Variants in SNX24 observed in about 807,000 individuals in gnomAD.
SNX24 encodes sorting nexin 24.
In SNX24, 22 loss-of-function variants were observed where a neutral mutation model predicts 28.7. That is an observed-to-expected ratio of 0.77 (90% CI 0.55 to 1.10). SNX24 has a LOEUF of 1.10. SNX24 is among the 50% of genes least tolerant of loss of function. SNX24 has a pLI of 0.00. For missense variants in SNX24, 221 were observed against 201.1 expected (o/e 1.10, Z -0.60); for synonymous variants, 69 against 71.5 (o/e 0.96, Z 0.18).
At chr5:122,851,813 C>A (rs752047539) in intron 1 of SNX24, among the ~76,000 whole-genome samples, 26 of 151,848 alleles carry the variant, frequency 1.7e-4, no homozygotes, top group Non-Finnish European at 2.7e-4. Context: ...CAGTCCCTGT[C>A]TTTAAAAAAA....
intron 1 of SNX24, among the ~76,000 whole-genome samples, chr5:122,903,536 A>G (rs1391393567): frequency 6.6e-6 from 1 of 152,188 alleles, no homozygotes; most frequent in Non-Finnish European, 1.5e-5. Flanking sequence ...CCTGCAAATC[A>G]TGCTTTATGC....
At chr5:123,017,383 A>G (rs1641184756) in intron 5 of SNX24, among the ~76,000 whole-genome samples, 1 of 150,528 alleles carries the variant, frequency 6.6e-6, no homozygotes. Flanking sequence ...TTGCCAGTCT[A>G]CTTCTGTCAT....
intron 3 of SNX24, among the ~76,000 whole-genome samples, chr5:122,947,274 T>A (rs972467022): frequency 6.6e-6 from 1 of 152,042 alleles, no homozygotes; most frequent in Non-Finnish European, 1.5e-5. Flanking sequence ...AGTATGCCAT[T>A]TCTTCTACAG....
chr5:123,010,360 A>G (rs35771639), downstream of SNX24, among the ~76,000 whole-genome samples: 33,881 of 151,082 alleles, frequency 0.22, 4,831 homozygotes, highest in Non-Finnish European at 0.33. Context: ...GCACAATCTC[A>G]ACTCACTGCA....
intron 5 of SNX24, among the ~76,000 whole-genome samples, chr5:123,028,011 A>G (rs1034457912): frequency 6.6e-6 from 1 of 152,196 alleles, no homozygotes; most frequent in African/African-American, 2.4e-5. Flanking sequence ...GTTTGTTTCT[A>G]TTACAATTTT....
chr5:122,996,705 A>T (rs73289176), intron 3 of SNX24, among the ~76,000 whole-genome samples: 7,932 of 152,188 alleles, frequency 0.052, 700 homozygotes, highest in African/African-American at 0.18. Flanking sequence ...AAGGATTCAA[A>T]CTCAGGTCTT....
intron 1 of SNX24, among the ~76,000 whole-genome samples, chr5:122,863,780 C>G (rs1390112287): frequency 2.0e-5 from 3 of 152,218 alleles, no homozygotes; most frequent in Admixed American, 6.5e-5. Context: ...GTCTCAAAGC[C>G]CTAGGCTAAA....
At chr5:123,017,949 T>C (rs1270209527) in intron 5 of SNX24, among the ~76,000 whole-genome samples, 2 of 152,220 alleles carry the variant, frequency 1.3e-5, no homozygotes, top group Middle Eastern at 3.4e-3. Context: ...CTGAACATAC[T>C]TACTGAACAT....
rs1052522057 is a variant in SNX24, at chr5:123,028,032, C to G, written n.384-1206C>G. 7.9e-5 allele frequency among the ~76,000 whole-genome samples: 12 copies of G among 152,148 alleles called. No individual in the cohort carries two copies. The East Asian group carries it at 2.1e-3, about 27-fold the overall frequency. ...TTCTATTACAATTTTGACAACTCAG[C>G]TATTGCTTTAACTTTAAAAAAGTAT... On this transcript the variant is annotated intron_variant and non_coding_transcript_variant, in intron 5 of 5. Coordinates refer to the SNX24 transcript ENST00000502387.
chr5:122,866,215 TCTCAGCTCACTGCAACCACCAC>T (rs1246870570), intron 1 of SNX24, among the ~76,000 whole-genome samples: 1 of 152,132 alleles, frequency 6.6e-6, no homozygotes, highest in African/African-American at 2.4e-5. Context: ...AGTGGCGAGA[TCTCAGCTCACTGCAACCACCAC>T]CTCCCAGGTT....
intron 1 of SNX24, among the ~76,000 whole-genome samples, chr5:122,930,074 A>G (rs923058595): frequency 2.0e-5 from 3 of 152,150 alleles, no homozygotes; most frequent in African/African-American, 7.2e-5. Flanking sequence ...CAGGTTTTCT[A>G]TGGATTTCTT....
intron 1 of SNX24, among the ~76,000 whole-genome samples, chr5:122,923,902 A>G (rs1338865729): frequency 6.6e-6 from 1 of 152,256 alleles, no homozygotes; most frequent in Non-Finnish European, 1.5e-5. Flanking sequence ...TGAGAGAGAC[A>G]GAAAACACTT....
At position 122,957,463 on chromosome 5, in the gene SNX24, A is replaced by G. The variant is rs572461494; in HGVS notation, c.249+11304A>G. ...ATCAGGAAGTGCGAGTCTTCCAGCT[A>G]TGTTTTTCTTTTTCAAGATTGTTTT... is the stretch of plus-strand genomic sequence containing the variant. On this transcript the variant is annotated intron_variant, in intron 3 of 6. Coordinates refer to ENST00000261369, the MANE Select transcript of SNX24 (RefSeq NM_014035.4). Among the ~76,000 whole-genome samples, 7 of 152,214 alleles carry G rather than the reference A, an allele frequency of 4.6e-5. No individual in the cohort carries two copies. The East Asian group carries it at 5.8e-4, about 13-fold the overall frequency.
chr5:122,915,579 T>C (rs1036394390), intron 1 of SNX24, among the ~76,000 whole-genome samples: 1 of 152,190 alleles, frequency 6.6e-6, no homozygotes, highest in Non-Finnish European at 1.5e-5. Flanking sequence ...TGAGCTATGA[T>C]TACGTCACCA....
At chr5:122,983,128 A>G (rs552341616) in intron 3 of SNX24, 1 of 151,912 alleles carries the variant, frequency 6.6e-6, no homozygotes, top group East Asian at 1.9e-4. Context: ...TAGTTAAGTG[A>G]ATAATTATAT....
At chr5:122,855,147 C>G (rs780952008) in intron 1 of SNX24, among the ~76,000 whole-genome samples, 4 of 151,926 alleles carry the variant, frequency 2.6e-5, no homozygotes, top group Non-Finnish European at 5.9e-5. Context: ...TCTTGGCTCA[C>G]CACAACCTCT....
At chr5:122,908,810 G>T (rs899188) in intron 1 of SNX24, among the ~76,000 whole-genome samples, 1 of 151,948 alleles carries the variant, frequency 6.6e-6, no homozygotes, top group African/African-American at 2.4e-5. Context: ...AGATCGTCAG[G>T]GTCCTCTGCT....
chr5:123,004,483 C>T (rs1354918208), intron 6 of SNX24, among the ~76,000 whole-genome samples: 1 of 152,194 alleles, frequency 6.6e-6, no homozygotes, highest in Non-Finnish European at 1.5e-5. Flanking sequence ...AGCAGCTGAC[C>T]AGAATGCTGT....
intron 3 of SNX24, among the ~76,000 whole-genome samples, chr5:122,955,553 T>C (rs1164966209): frequency 2.6e-5 from 4 of 152,216 alleles, no homozygotes; most frequent in Admixed American, 1.3e-4. Flanking sequence ...CAGGGGAAGA[T>C]GGGATGTGGA....
Sources: gnomAD v4.1 joint callset for allele counts (sites outside exome capture counted in the v4.1 genomes callset) on GRCh38, gnomAD v4.1.1 for gene constraint, MANE v1.5 for transcripts, NCBI Gene and HGNC (gene_info 2026-07-23, HGNC 2026-07-21) for gene names.